Variants in SOX6 observed in about 807,000 individuals in gnomAD.
SOX6 encodes the protein SRY-box transcription factor 6.
SOX6 carries 11 observed loss-of-function variants against 97.8 expected under a neutral mutation model. The ratio of observed to expected loss-of-function variants is 0.11; its 90% CI spans 0.07 to 0.19. The LOEUF is 0.19. Ranked by LOEUF, SOX6 falls within the 10% of genes least tolerant of loss-of-function variation. The probability of loss-of-function intolerance (pLI) is 1.00; values close to 1 mark genes in which losing one functional copy is unlikely to be tolerated. For missense variants in SOX6, 810 were observed against 1,039.5 expected, an observed-to-expected ratio of 0.78 and a Z score of 3.04; for synonymous variants, 360 against 371.4, an observed-to-expected ratio of 0.97 and a Z score of 0.35.
rs144116931 is a variant in SOX6, at chr11:16,494,689, G to A, written n.610-18301C>T. 8.7e-3 allele frequency among the ~76,000 whole-genome samples: 1,320 copies of A among 152,226 alleles called. 21 individuals carry two copies. Among genetic ancestry groups the A allele is most frequent in the African/African-American group, 0.029 (1,205 of 41,522 alleles). Reference sequence around the variant, plus strand: ...AATAGGAAATACCTAAGGCAAGGAAGGAAAGGGAAACCAAGCAGCCTGCCT... The same window carrying A: ...AATAGGAAATACCTAAGGCAAGGAAAGAAAGGGAAACCAAGCAGCCTGCCT... On this transcript the variant is annotated intron_variant and non_coding_transcript_variant, in intron 4 of 5. Transcript: ENST00000524520.
chr11:16,713,883 C>T (rs1848198667), intron 3 of SOX6, among the ~76,000 whole-genome samples: 1 of 152,190 alleles, frequency 6.6e-6, no homozygotes, highest in African/African-American at 2.4e-5. Flanking sequence ...AAACTGTGAT[C>T]CAACTTTTCT....
intron 3 of SOX6, chr11:16,314,687 T>A (rs564452330): frequency 1.3e-5 from 2 of 152,298 alleles, no homozygotes; most frequent in African/African-American, 4.8e-5. Context: ...AATTTACATT[T>A]CCTTAAATTA....
chr11:16,307,732 T>C (rs927219627), intron 3 of SOX6, among the ~76,000 whole-genome samples: 6 of 152,356 alleles, frequency 3.9e-5, no homozygotes, highest in African/African-American at 1.4e-4. Flanking sequence ...ATAATAATTC[T>C]GCTGCTGTTG....
intron 9 of SOX6, among the ~76,000 whole-genome samples, chr11:16,061,969 G>A (rs1222174401): frequency 6.6e-6 from 1 of 151,474 alleles, no homozygotes; most frequent in Non-Finnish European, 1.5e-5. Flanking sequence ...ACTCTTCTGG[G>A]CATTGGTTTA....
chr11:16,636,049 C>G (rs1490279235), intron 3 of SOX6, among the ~76,000 whole-genome samples: 2 of 152,188 alleles, frequency 1.3e-5, no homozygotes, highest in Non-Finnish European at 2.9e-5. Flanking sequence ...CACACAGAGT[C>G]CCCAATGGGG....
intron 1 of SOX6, among the ~76,000 whole-genome samples, chr11:16,426,282 AAAAAAAAAAAAAAAC>A (rs1364307438): frequency 8.9e-5 from 13 of 146,744 alleles, no homozygotes; most frequent in African/African-American, 3.1e-4. Context: ...AAAAAAAAAA[AAAAAAAAAAAAAAAC>A]CACTATTTTA....
intron 2 of SOX6, among the ~76,000 whole-genome samples, chr11:16,726,565 T>G (rs1848307806): frequency 6.6e-6 from 1 of 152,230 alleles, no homozygotes; most frequent in Admixed American, 6.5e-5. Context: ...TAAAGGCACA[T>G]GCCAAGATAT....
chr11:16,152,906 T>C (rs1850495247), intron 6 of SOX6, among the ~76,000 whole-genome samples: 1 of 152,024 alleles, frequency 6.6e-6, no homozygotes, highest in African/African-American at 2.4e-5. Flanking sequence ...CTTGTTCTGT[T>C]GCCAGGCTTG....
chr11:16,400,678 CT>C (rs1297710367), intron 1 of SOX6, among the ~76,000 whole-genome samples: 1 of 151,188 alleles, frequency 6.6e-6, no homozygotes, highest in Non-Finnish European at 1.5e-5. Context: ...TTTTCATTTG[CT>C]CAACAACTAT....
intron 1 of SOX6, among the ~76,000 whole-genome samples, chr11:16,434,775 T>C (rs1306438989): frequency 6.6e-6 from 1 of 152,178 alleles, no homozygotes; most frequent in African/African-American, 2.4e-5. Flanking sequence ...AGATGCCATA[T>C]AAACTAAACA....
intron 1 of SOX6, among the ~76,000 whole-genome samples, chr11:16,457,334 G>A (rs576108650): frequency 6.6e-6 from 1 of 152,166 alleles, no homozygotes; most frequent in African/African-American, 2.4e-5. Context: ...GGAAATAAAT[G>A]TGAACATCAG....
intron 1 of SOX6, among the ~76,000 whole-genome samples, chr11:16,419,088 A>G (rs1457145782): frequency 6.6e-6 from 1 of 152,206 alleles, no homozygotes; most frequent in Non-Finnish European, 1.5e-5. Context: ...CTATTTTAAT[A>G]TCTTCACTTA....
chr11:16,673,833 T>C (rs1186492564), intron 3 of SOX6, among the ~76,000 whole-genome samples: 1 of 152,148 alleles, frequency 6.6e-6, no homozygotes, highest in Non-Finnish European at 1.5e-5. Context: ...AGATCCCTGA[T>C]GAACACTGAT....
chr11:16,571,616 G>C (rs1847939351), intron 4 of SOX6, among the ~76,000 whole-genome samples: 1 of 151,966 alleles, frequency 6.6e-6, no homozygotes, highest in East Asian at 1.9e-4. Context: ...GTTTTTGTTT[G>C]TTTGTTTGTT....
intron 3 of SOX6, among the ~76,000 whole-genome samples, chr11:16,310,174 T>C (rs1855556772): frequency 6.6e-6 from 1 of 152,026 alleles, no homozygotes; most frequent in Admixed American, 6.6e-5. Flanking sequence ...AACCAAATAA[T>C]ATATTACCCA....
At chr11:16,600,714 T>C (rs1258870739) in intron 4 of SOX6, among the ~76,000 whole-genome samples, 1 of 152,196 alleles carries the variant, frequency 6.6e-6, no homozygotes, top group Non-Finnish European at 1.5e-5. Flanking sequence ...AACAAAATAA[T>C]TAACTGAAAA....
chr11:16,399,449 C>T (rs536139499), intron 1 of SOX6, among the ~76,000 whole-genome samples: 46 of 151,214 alleles, frequency 3.0e-4, no homozygotes, highest in Admixed American at 9.9e-4. Context: ...CAACCTTGAA[C>T]GCCTAAACTC....
intron 6 of SOX6, among the ~76,000 whole-genome samples, chr11:16,172,952 AC>A (rs1851078108): frequency 3.3e-5 from 5 of 151,862 alleles, no homozygotes; most frequent in Admixed American, 3.3e-4. Context: ...GAGAAGAACA[AC>A]TTCTGCTGAG....
intron 3 of SOX6, among the ~76,000 whole-genome samples, chr11:16,310,268 G>A (rs1475678976): frequency 6.6e-6 from 1 of 151,878 alleles, no homozygotes; most frequent in Non-Finnish European, 1.5e-5. Flanking sequence ...CAGAATTCTG[G>A]CTCATTTTAA....
Sources: allele counts gnomAD v4.1 joint callset (sites outside exome capture counted in the v4.1 genomes callset), GRCh38; gene constraint gnomAD v4.1.1; transcripts MANE v1.5; gene names NCBI Gene and HGNC (gene_info 2026-07-23, HGNC 2026-07-21).